DOCK3: variants seen among roughly 807,000 people sequenced by gnomAD.
The protein encoded by DOCK3 is dedicator of cytokinesis 3, also known as dedicator of cytokinesis protein 3.
A neutral mutation model predicts 265.6 loss-of-function variants in DOCK3; 60 were observed. The observed-to-expected ratio is 0.23, with a 90% CI of 0.18 to 0.28. The LOEUF is 0.28. DOCK3 is among the 10% of genes least tolerant of loss of function. DOCK3 has a pLI of 1.00. For synonymous variants in DOCK3, 881 were observed against 938.0 expected (o/e 0.94, Z 1.11); for missense variants, 1,981 against 2,594.3 (o/e 0.76, Z 5.14).
rs976840983 is a variant in DOCK3 at position 51,286,604 on chromosome 3, G to A, written c.2922+6400G>A. Among the ~76,000 whole-genome samples, 5 of 152,156 alleles carry A rather than the reference G, an allele frequency of 3.3e-5. No individual in the cohort carries two copies. In the South Asian group the frequency reaches 6.2e-4, roughly 19 times the overall value. ...TACAGTAACCAAAACAGCATGGTAC[G>A]GATACAAAAAATAGACACATAGACC... On this transcript the variant is annotated intron_variant, in intron 27 of 52. Transcript: ENST00000266037.
At chr3:51,241,755 T>A (rs1056158389) in intron 21 of DOCK3, among the ~76,000 whole-genome samples, 1 of 152,184 alleles carries the variant, frequency 6.6e-6, no homozygotes, top group Non-Finnish European at 1.5e-5. Flanking sequence ...TCCTGTAGAG[T>A]GTTTTTCAGC....
chr3:51,105,568 A>T (rs2083250102), intron 9 of DOCK3, among the ~76,000 whole-genome samples: 1 of 152,208 alleles, frequency 6.6e-6, no homozygotes, highest in Non-Finnish European at 1.5e-5. Flanking sequence ...ATCTATATAT[A>T]ATGGAATACT....
At chr3:50,677,118 C>G (rs1011310468) in intron 1 of DOCK3, among the ~76,000 whole-genome samples, 4 of 152,202 alleles carry the variant, frequency 2.6e-5, no homozygotes, top group Admixed American at 6.5e-5. Context: ...TGGAGGGCCA[C>G]AGCATTGGGC....
intron 23 of DOCK3, among the ~76,000 whole-genome samples, chr3:51,261,265 C>T (rs902589198): frequency 4.0e-5 from 6 of 151,862 alleles, no homozygotes; most frequent in African/African-American, 1.2e-4. Context: ...CCATGGAGGG[C>T]AAGCAGAAGG....
intron 12 of DOCK3, among the ~76,000 whole-genome samples, chr3:51,203,873 T>C (rs1429614811): frequency 6.6e-6 from 1 of 152,188 alleles, no homozygotes; most frequent in South Asian, 2.1e-4. Flanking sequence ...TATCTACAAC[T>C]ATCTGATCTT....
At chr3:51,095,256 G>A (rs1327125017) in intron 9 of DOCK3, among the ~76,000 whole-genome samples, 1 of 152,068 alleles carries the variant, frequency 6.6e-6, no homozygotes, top group Non-Finnish European at 1.5e-5. Context: ...TCATAGTGTG[G>A]ATGGTCTTTA....
At chr3:51,223,530 G>A (rs1368857685) in intron 14 of DOCK3, among the ~76,000 whole-genome samples, 5 of 151,724 alleles carry the variant, frequency 3.3e-5, no homozygotes, top group Admixed American at 3.3e-4. Flanking sequence ...ACTCAGAAAA[G>A]GATAAAAATT....
chr3:50,828,408 C>A (rs2044908258), intron 2 of DOCK3, among the ~76,000 whole-genome samples: 1 of 151,906 alleles, frequency 6.6e-6, no homozygotes, highest in South Asian at 2.1e-4. Context: ...CTTTTCTTTT[C>A]TTTTTTCTTT....
At chr3:50,709,288 T>TTTGCGGA (rs1482859958) in intron 1 of DOCK3, among the ~76,000 whole-genome samples, 4 of 152,200 alleles carry the variant, frequency 2.6e-5, no homozygotes, top group Non-Finnish European at 5.9e-5. Context: ...TAATAGTTTT[T>TTTGCGGA]TTTTAGTGGA....
At chr3:50,891,853 C>G (rs1177586079) in intron 4 of DOCK3, among the ~76,000 whole-genome samples, 2 of 151,942 alleles carry the variant, frequency 1.3e-5, no homozygotes, top group African/African-American at 4.8e-5. Context: ...AGTCATATGT[C>G]CCATTTATAA....
chr3:50,860,635 G>A (rs2046864456), intron 3 of DOCK3, among the ~76,000 whole-genome samples: 1 of 152,178 alleles, frequency 6.6e-6, no homozygotes, highest in Non-Finnish European at 1.5e-5. Context: ...TAGAGCAGAT[G>A]TGCTGTGCTT....
chr3:50,677,173 C>T (rs141392341), intron 1 of DOCK3, among the ~76,000 whole-genome samples: 31 of 152,350 alleles, frequency 2.0e-4, no homozygotes, highest in African/African-American at 5.8e-4. Flanking sequence ...GACAGTTACA[C>T]TGAAGACATT....
At chr3:50,727,623 G>T (rs745401888) in intron 1 of DOCK3, among the ~76,000 whole-genome samples, 2 of 152,078 alleles carry the variant, frequency 1.3e-5, no homozygotes, top group Non-Finnish European at 2.9e-5. Context: ...GCTTGAAACC[G>T]GGAGGCAGAG....
At chr3:51,041,507 G>T (rs1011698217) in intron 5 of DOCK3, among the ~76,000 whole-genome samples, 4 of 151,784 alleles carry the variant, frequency 2.6e-5, no homozygotes, top group Non-Finnish European at 5.9e-5. Context: ...GTGAGCCACC[G>T]CACCCGGCCC....
At chr3:50,796,730 T>C (rs3101107) in intron 2 of DOCK3, among the ~76,000 whole-genome samples, 14,347 of 152,260 alleles carry the variant, frequency 0.094, 839 homozygotes, top group Non-Finnish European at 0.12. Context: ...GCTGATGTTT[T>C]TTCAGTCTTT....
intron 1 of DOCK3, among the ~76,000 whole-genome samples, chr3:50,758,534 G>A (rs1373027881): frequency 6.6e-6 from 1 of 151,980 alleles, no homozygotes; most frequent in African/African-American, 2.4e-5. Context: ...CCCTGAACGC[G>A]CCGATCTCGT....
intron 5 of DOCK3, among the ~76,000 whole-genome samples, chr3:50,957,469 T>G (rs1396899013): frequency 6.6e-6 from 1 of 152,252 alleles, no homozygotes; most frequent in South Asian, 2.1e-4. Flanking sequence ...TACCTTACTC[T>G]GAAAGTTATT....
chr3:51,293,109 G>C (rs1015505484), intron 27 of DOCK3, among the ~76,000 whole-genome samples: 9 of 151,744 alleles, frequency 5.9e-5, no homozygotes, highest in African/African-American at 1.9e-4. Context: ...ATTCCTCACA[G>C]AAATAGAAAA....
At chr3:51,159,498 G>A (rs181131370) in intron 11 of DOCK3, among the ~76,000 whole-genome samples, 194 bp downstream of exon 11, 9 of 152,142 alleles carry the variant, frequency 5.9e-5, no homozygotes, top group Admixed American at 4.6e-4. Flanking sequence ...TGGATTCGGG[G>A]GGGTGGGTTT....
Sources: gnomAD v4.1 joint callset for allele counts (sites outside exome capture counted in the v4.1 genomes callset) on GRCh38, gnomAD v4.1.1 for gene constraint, MANE v1.5 for transcripts, NCBI Gene and HGNC (gene_info 2026-07-23, HGNC 2026-07-21) for gene names.